Variants in SLC7A11 observed in about 807,000 individuals in gnomAD.
SLC7A11 encodes the protein solute carrier family 7 member 11.
Under a neutral mutation model 54.5 loss-of-function variants are expected in SLC7A11, and 35 were observed. The observed-to-expected ratio is 0.64, with a 90% CI of 0.49 to 0.85. SLC7A11 has a LOEUF of 0.85. Among genes scored for constraint, SLC7A11 ranks in the 40% least tolerant of loss-of-function variants. The pLI is 0.00. For synonymous variants in SLC7A11, 230 were observed against 225.2 expected, an observed-to-expected ratio of 1.02 and a Z score of -0.19; for missense variants, 583 against 618.1, an observed-to-expected ratio of 0.94 and a Z score of 0.60.
At chr4:138,199,467 CTACTGGG>C (rs1737223028) in intron 6 of SLC7A11, among the ~76,000 whole-genome samples, 1 of 152,072 alleles carries the variant, frequency 6.6e-6, no homozygotes, top group Admixed American at 6.6e-5. Context: ...TCGACCACAA[CTACTGGG>C]TAGAGATTTG....
At chr4:138,190,035 C>T (rs1359282430) in intron 6 of SLC7A11, among the ~76,000 whole-genome samples, 1 of 152,096 alleles carries the variant, frequency 6.6e-6, no homozygotes, top group East Asian at 1.9e-4. Flanking sequence ...AGATCATATA[C>T]ACTCCCCTCT....
chr4:138,193,227 T>C (rs1737054870), intron 6 of SLC7A11, among the ~76,000 whole-genome samples: 1 of 152,180 alleles, frequency 6.6e-6, no homozygotes, highest in Non-Finnish European at 1.5e-5. Context: ...CTAATATTGA[T>C]CATTTCACTT....
At chr4:138,223,079 G>C in intron 4 of SLC7A11, 120 bp downstream of exon 4, 1 of 855,202 alleles carries the variant, frequency 1.2e-6, no homozygotes, top group Non-Finnish European at 1.8e-6. Context: ...TGACAATATA[G>C]AGTTTAAGTT....
At chr4:138,194,841 T>C (rs926419426) in intron 6 of SLC7A11, among the ~76,000 whole-genome samples, 1 of 152,202 alleles carries the variant, frequency 6.6e-6, no homozygotes, top group Non-Finnish European at 1.5e-5. Context: ...AAGTTCGTTT[T>C]CTTGAAAGTT....
chr4:138,210,284 A>G (rs1737516393), intron 6 of SLC7A11, among the ~76,000 whole-genome samples: 1 of 152,040 alleles, frequency 6.6e-6, no homozygotes, highest in Non-Finnish European at 1.5e-5. Flanking sequence ...CTCAAACTCT[A>G]AAAACCCAAG....
intron 11 of SLC7A11, chr4:138,174,857 T>C (rs1736531048): frequency 6.6e-6 from 1 of 152,212 alleles, no homozygotes; most frequent in Non-Finnish European, 1.5e-5. Context: ...GTAGTTATTC[T>C]TGAAATAATT....
chr4:138,240,591 A>T (rs1408007176), intron 1 of SLC7A11, among the ~76,000 whole-genome samples: 1 of 148,700 alleles, frequency 6.7e-6, no homozygotes, highest in East Asian at 2.0e-4. Flanking sequence ...ATGGAATTTG[A>T]GTTCTCTAGA....
chr4:138,185,184 T>C lies in SLC7A11; in HGVS notation c.852A>G (p.Thr284=). 4 of 1,613,000 alleles carry C rather than the reference T, an allele frequency of 2.5e-6. No homozygotes were observed. Among genetic ancestry groups the C allele is most frequent in the Non-Finnish European group, 3.4e-6 (4 of 1,179,234 alleles). ...TAATGGTCGTAAAGTAGGCCACATTTGTCAGCACATAGCCAATGGTGACAA... is the reference window on the plus strand; with the variant it reads ...TAATGGTCGTAAAGTAGGCCACATTCGTCAGCACATAGCCAATGGTGACAA... The part of the protein sequence containing the change: ...MAIVTIGYVL[T]NVAYFTTINA... Residue 284 remains threonine (T), a synonymous_variant, in exon 7 of 12, where the codon ACA becomes ACG. Coordinates refer to ENST00000280612, the MANE Select transcript of SLC7A11 (RefSeq NM_014331.4).
chr4:138,193,411 T>C (rs1560723765), intron 6 of SLC7A11, among the ~76,000 whole-genome samples: 1 of 152,156 alleles, frequency 6.6e-6, no homozygotes, highest in Non-Finnish European at 1.5e-5. Flanking sequence ...TGTGTTCCAG[T>C]AGTTGAGGTA....
chr4:138,238,419 A>C (rs1738293385), intron 1 of SLC7A11, among the ~76,000 whole-genome samples: 1 of 152,214 alleles, frequency 6.6e-6, no homozygotes, highest in Non-Finnish European at 1.5e-5. Flanking sequence ...GTAAGAACAC[A>C]ATTTTTTTCC....
chr4:138,207,675 G>A (rs1737440244), intron 6 of SLC7A11, among the ~76,000 whole-genome samples: 1 of 152,118 alleles, frequency 6.6e-6, no homozygotes, highest in African/African-American at 2.4e-5. Flanking sequence ...CTGCACTCCA[G>A]CCTGGGCAGC....
intron 6 of SLC7A11, among the ~76,000 whole-genome samples, chr4:138,192,922 C>A (rs1464640332): frequency 6.6e-6 from 1 of 152,000 alleles, no homozygotes; most frequent in Admixed American, 6.6e-5. Flanking sequence ...ATAAGACAAG[C>A]AACGTTAAGT....
At position 138,189,802 on chromosome 4, in the gene SLC7A11, C is replaced by G. The variant is rs540335803; in HGVS notation, c.792-4558G>C. Among the ~76,000 whole-genome samples the G allele has an allele frequency of 2.3e-4, 35 of 152,256 alleles. 1 individual carries two copies. In the South Asian group the frequency reaches 3.1e-3, roughly 14 times the overall value. On this transcript the variant is annotated intron_variant, in intron 6 of 11. Transcript: ENST00000280612. ...GAAATGACTATTGTTTCCAGTGCATCATTTTCGCTAAAAGTGATCCTTGCT... is the reference window on the plus strand; with the variant it reads ...GAAATGACTATTGTTTCCAGTGCATGATTTTCGCTAAAAGTGATCCTTGCT...
chr4:138,205,197 G>C (rs1055845371), intron 6 of SLC7A11, among the ~76,000 whole-genome samples: 1 of 152,008 alleles, frequency 6.6e-6, no homozygotes, highest in African/African-American at 2.4e-5. Context: ...TAGTTAAAAA[G>C]AGACAGGATT....
chr4:138,182,168 C>G, intron 9 of SLC7A11, 129 bp downstream of exon 9: 1 of 590,392 alleles, frequency 1.7e-6, no homozygotes, highest in Non-Finnish European at 3.0e-6. Context: ...TCCTGCCTCC[C>G]AAACTCCACC....
intron 6 of SLC7A11, among the ~76,000 whole-genome samples, chr4:138,194,230 A>G (rs903907343): frequency 6.6e-6 from 1 of 152,112 alleles, no homozygotes; most frequent in Non-Finnish European, 1.5e-5. Context: ...GTTTCCTGAA[A>G]AGGTCACAAA....
In SLC7A11 at chr4:138,183,286, A is replaced by G; in HGVS notation, c.935T>C (p.Leu312Pro). The G allele has an allele frequency of 6.2e-7, 1 of 1,610,950 alleles. No individual in the cohort carries two copies. The highest frequency in any genetic ancestry group is 8.5e-7 in the Non-Finnish European group (1 of 1,178,266). Reference protein sequence around the residue: ...AVAVTFSERLLGNFSLAVPIF... With the variant: ...AVAVTFSERLPGNFSLAVPIF... ...CGGAACTGCTAATGAGAAATTTCCC[A>G]GTAGCCGCTCAGAAAAGGTCTAGTG... Residue 312 changes from leucine (L) to proline (P), a missense_variant, in exon 8 of 12, where the codon CTG becomes CCG. Transcript: ENST00000280612.
chr4:138,197,973 A>G (rs2148425070), intron 6 of SLC7A11, among the ~76,000 whole-genome samples: 1 of 150,504 alleles, frequency 6.6e-6, no homozygotes, highest in South Asian at 2.1e-4. Context: ...AATAAAAAGT[A>G]TCATCAATAT....
intron 3 of SLC7A11, among the ~76,000 whole-genome samples, chr4:138,223,989 C>T (rs540225932): frequency 4.6e-5 from 7 of 152,246 alleles, no homozygotes; most frequent in East Asian, 1.9e-4. Flanking sequence ...GGGTTCAAAG[C>T]CAGAAGAATT....
Sources: gnomAD v4.1 joint callset for allele counts (sites outside exome capture counted in the v4.1 genomes callset) on GRCh38, gnomAD v4.1.1 for gene constraint, MANE v1.5 for transcripts, NCBI Gene and HGNC (gene_info 2026-07-23, HGNC 2026-07-21) for gene names.